The following ZFYVE16 variants were observed in gnomAD, a reference collection of about 807,000 sequenced individuals.
ZFYVE16 encodes zinc finger FYVE domain-containing protein 16.
A neutral mutation model predicts 138.1 loss-of-function variants in ZFYVE16; 89 were observed. The observed-to-expected ratio is 0.64, with a 90% confidence interval of 0.54 to 0.77. The LOEUF is 0.77. Ranked by LOEUF, ZFYVE16 falls within the 30% of genes least tolerant of loss-of-function variation. ZFYVE16 has a pLI of 0.00. For missense variants in ZFYVE16, 1,793 were observed against 1,786.7 expected (o/e 1.00, Z -0.06); for synonymous variants, 596 against 618.3 (o/e 0.96, Z 0.53).
rs1343453978 is a variant in ZFYVE16 at position 80,451,823 on chromosome 5, G to C, written c.3607+114G>C. On this transcript the variant is annotated intron_variant, in intron 11 of 18. Transcript: ENST00000505560. ...GGATTAATGGAACTACTTTTGTTTT[G>C]CTATGCTTTTAAAGTTCTAAGACAA... The C allele has an allele frequency of 2.8e-6, 3 of 1,070,932 alleles. No homozygotes were observed. The East Asian group carries it at 7.5e-5, about 27-fold the overall frequency. The allele number at this position is 1,070,932 out of a possible 1,614,324, so 66.3% of individuals were successfully genotyped here.
At chr5:80,428,850 GT>G (rs1231289896) in intron 2 of ZFYVE16, among the ~76,000 whole-genome samples, 1 of 152,170 alleles carries the variant, frequency 6.6e-6, no homozygotes, top group Non-Finnish European at 1.5e-5. Context: ...GGAAGAAAGG[GT>G]ATCAGTGATT....
intron 18 of ZFYVE16, among the ~76,000 whole-genome samples, chr5:80,476,969 T>A (rs1209989027): frequency 1.3e-5 from 2 of 152,190 alleles, no homozygotes; most frequent in East Asian, 3.8e-4. Flanking sequence ...GTTTATGTGT[T>A]CATTTAGAGG....
chr5:80,448,714 T>G (rs1751662939), intron 8 of ZFYVE16, among the ~76,000 whole-genome samples: 1 of 152,186 alleles, frequency 6.6e-6, no homozygotes, highest in Non-Finnish European at 1.5e-5. Context: ...TTACTATTTT[T>G]TTTTAGGAGC....
intron 1 of ZFYVE16, among the ~76,000 whole-genome samples, chr5:80,411,026 G>A (rs192594744): frequency 0.016 from 2,396 of 151,598 alleles, 34 homozygotes; most frequent in Non-Finnish European, 0.025. Context: ...GAGTGCAGTG[G>A]CACCATCTCG....
Position 80,449,597 on chromosome 5 carries a change from T to C in ZFYVE16, c.3110T>C (p.Val1037Ala). 3 of 1,607,774 alleles carry C rather than the reference T, an allele frequency of 1.9e-6. No individual in the cohort carries two copies. Among genetic ancestry groups the C allele is most frequent in the Non-Finnish European group, 2.5e-6 (3 of 1,177,828 alleles). The change falls in exon 9 of 19, where the codon GTA becomes GCA. Residue 1037 changes from valine to alanine, a missense_variant. By Grantham distance (64) the Val-to-Ala change is moderately conservative. This residue lies in a region of ZFYVE16 where 1,295 missense variants were observed against 1,204.3 expected (regional missense o/e 1.08). Transcript: ENST00000505560. ...TATTACTTTCATCATTTAGTGCCTG[T>C]AGTAGAAGAACATCCATCTCATGAG... ...VASGEKGSVP[V>A]VEEHPSHEQI...
intron 4 of ZFYVE16, among the ~76,000 whole-genome samples, 195 bp downstream of exon 4, chr5:80,439,202 A>G (rs890929456): frequency 6.6e-6 from 1 of 152,206 alleles, no homozygotes; most frequent in Admixed American, 6.5e-5. Context: ...TAAATGTTAC[A>G]TTGTCAGGGG....
chr5:80,451,597 C>G lies in ZFYVE16; in HGVS notation c.3495C>G (p.Leu1165=). The G allele has an allele frequency of 1.2e-6, 2 of 1,613,778 alleles. No homozygotes were observed. The highest frequency in any genetic ancestry group is 1.7e-6 in the Non-Finnish European group (2 of 1,179,810). ...CTACTTTTCAGAAACTTGATGATCT[C>G]TCATTACCAAGTAATCCTTTTCTTT... ...ITPTFQKLDD[L]SLPSNPFLCG... The change falls in exon 11 of 19, where the codon CTC becomes CTG. Residue 1165 remains leucine, a synonymous_variant. Coordinates refer to ENST00000505560, the MANE Select transcript of ZFYVE16 (RefSeq NM_001284236.3).
In ZFYVE16 at chr5:80,459,452, A is replaced by G. The variant is rs776956193; in HGVS notation, c.3982A>G (p.Lys1328Glu). ...TTTTGTGGTATTCAATGGAGCTCTA[A>G]AAACATCTTCAGGATTTCTTGCTAA... ...ASFVVFNGAL[K>E]TSSGFLAKSS... The change falls in exon 15 of 19, where the codon AAA (lysine) becomes GAA (glutamate). Residue 1328 changes from lysine (K) to glutamate (E), a missense_variant. Coordinates refer to ENST00000505560, the MANE Select transcript of ZFYVE16 (RefSeq NM_001284236.3). 1.2e-6 allele frequency: 2 copies of G among 1,613,342 alleles called. No individual in the cohort carries two copies. Among genetic ancestry groups the G allele is most frequent in the Admixed American group, 3.3e-5 (2 of 59,942 alleles).
intron 15 of ZFYVE16, among the ~76,000 whole-genome samples, chr5:80,471,264 G>A (rs1580365093): frequency 1.3e-5 from 2 of 152,094 alleles, no homozygotes; most frequent in South Asian, 2.1e-4. Context: ...CTAGCTTCAC[G>A]TCCTGTTTCT....
At chr5:80,426,466 G>A (rs1748099119) in intron 1 of ZFYVE16, among the ~76,000 whole-genome samples, 1 of 150,770 alleles carries the variant, frequency 6.6e-6, no homozygotes, top group Admixed American at 6.6e-5. Flanking sequence ...ACCCCAGCAG[G>A]CCCCAGTGTG....
At chr5:80,422,223 G>T (rs1473321552) in intron 1 of ZFYVE16, among the ~76,000 whole-genome samples, 2 of 151,732 alleles carry the variant, frequency 1.3e-5, no homozygotes, top group Non-Finnish European at 2.9e-5. Context: ...TTCTATATGG[G>T]GTTTTCCTTT....
chr5:80,426,201 GGTGT>G (rs67789869), intron 1 of ZFYVE16, among the ~76,000 whole-genome samples: 98,196 of 139,122 alleles, frequency 0.71, 36,159 homozygotes, highest in East Asian at 0.81. Flanking sequence ...GTGTGTGTGT[GGTGT>G]GTGTGTGTGT....
intron 6 of ZFYVE16, chr5:80,443,884 C>T (rs1438862053): frequency 6.6e-6 from 3 of 456,014 alleles, no homozygotes; most frequent in East Asian, 6.9e-5. Flanking sequence ...TCCAAGAGCC[C>T]ACTGTAGAGG....
At chr5:80,426,293 T>TATAAATAAATAAATAA (rs1402433567) in intron 1 of ZFYVE16, among the ~76,000 whole-genome samples, 6 of 88,686 alleles carry the variant, frequency 6.8e-5, no homozygotes, top group African/African-American at 2.0e-4. Flanking sequence ...TATATATATA[T>TATAAATAAATAAATAA]AATTAAATTT....
rs1021956888 is a variant in ZFYVE16, at chr5:80,455,688, A to G, written c.3608-4A>G. 2 of 1,607,028 alleles carry G rather than the reference A, an allele frequency of 1.2e-6. No individual in the cohort carries two copies. The highest frequency in any genetic ancestry group is 2.7e-5 in the African/African-American group (2 of 74,294). On this transcript the variant is annotated splice_region_variant and splice_polypyrimidine_tract_variant and intron_variant, in intron 11 of 18. Coordinates refer to ENST00000505560, the MANE Select transcript of ZFYVE16 (RefSeq NM_001284236.3). ...AGTAACCAGTTTTCCTTTCTTATGT[A>G]TAGCATATCCTGCTCCTCTAACAAG...
Position 80,443,206 on chromosome 5 carries a change from C to G in ZFYVE16, c.2503C>G (p.Pro835Ala). 6.2e-7 allele frequency: 1 copy of G among 1,610,578 alleles called. No homozygotes were observed. The highest frequency in any genetic ancestry group is 8.5e-7 in the Non-Finnish European group (1 of 1,179,190). Reference sequence around the variant, plus strand: ...TGATGAATGTACTACTGTCCAGCCTCCTCAGGAGAACCAAACATCCAGTAT... The same window carrying G: ...TGATGAATGTACTACTGTCCAGCCTGCTCAGGAGAACCAAACATCCAGTAT... ...HSDECTTVQP[P>A]QENQTSSIPS... The change falls in exon 6 of 19, where the codon CCT (proline) becomes GCT (alanine). Residue 835 changes from proline to alanine, a missense_variant. Coordinates refer to ENST00000505560, the MANE Select transcript of ZFYVE16 (RefSeq NM_001284236.3).
At position 80,437,923 on chromosome 5, in the gene ZFYVE16, T is replaced by A; in HGVS notation, c.1238T>A (p.Ile413Lys). 4 of 1,614,058 alleles carry A rather than the reference T, an allele frequency of 2.5e-6. No homozygotes were observed. Among genetic ancestry groups the A allele is most frequent in the Non-Finnish European group, 3.4e-6 (4 of 1,179,954 alleles). Residue 413 changes from isoleucine to lysine, a missense_variant, in exon 4 of 19, where the codon ATA becomes AAA. By Grantham distance (102) the Ile-to-Lys change is moderately radical. Around this residue, in one of 2 missense-constraint regions of ZFYVE16, gnomAD observed 1,295 missense variants for 1,204.3 expected, o/e 1.08. Coordinates refer to ENST00000505560, the MANE Select transcript of ZFYVE16 (RefSeq NM_001284236.3). ...GATAATATACAAGATGCAGTGACTA[T>A]ACATGAAGAAATACAGAACAGTGTT... The part of the protein sequence containing the change: ...HKDNIQDAVT[I>K]HEEIQNSVVL...
At chr5:80,410,791 A>G (rs549843756) in intron 1 of ZFYVE16, among the ~76,000 whole-genome samples, 3 of 150,148 alleles carry the variant, frequency 2.0e-5, no homozygotes, top group Non-Finnish European at 4.4e-5. Context: ...GATGGTCTCG[A>G]TCTCCTGACC....
chr5:80,444,881 G>A (rs1751125344), intron 6 of ZFYVE16, among the ~76,000 whole-genome samples: 1 of 151,904 alleles, frequency 6.6e-6, no homozygotes, highest in African/African-American at 2.4e-5. Context: ...CACACAAACA[G>A]CCTCAATAAT....
Sources: allele counts gnomAD v4.1 joint callset (sites outside exome capture counted in the v4.1 genomes callset), GRCh38; gene constraint gnomAD v4.1.1; regional missense constraint gnomAD v4.1.1; transcripts MANE v1.5; gene names NCBI Gene and HGNC (gene_info 2026-07-23, HGNC 2026-07-21).